Variants in CLVS1 observed in about 807,000 individuals in gnomAD.
CLVS1 encodes the protein clavesin-1.
A neutral mutation model predicts 33.1 loss-of-function variants in CLVS1; 10 were observed. The observed-to-expected ratio is 0.30, with a 90% CI of 0.19 to 0.51. The LOEUF (loss-of-function observed/expected upper bound fraction) is 0.51. CLVS1 is among the 20% of genes least tolerant of loss of function. The probability of loss-of-function intolerance (pLI) is 0.97; values close to 1 mark genes in which losing one functional copy is unlikely to be tolerated. For synonymous variants in CLVS1, 163 were observed against 166.1 expected, an observed-to-expected ratio of 0.98 and a Z score of 0.14; for missense variants, 343 against 433.4, an observed-to-expected ratio of 0.79 and a Z score of 1.85.
At chr8:61,468,970 C>G (rs1817649279) in intron 5 of CLVS1, among the ~76,000 whole-genome samples, 1 of 152,142 alleles carries the variant, frequency 6.6e-6, no homozygotes, top group East Asian at 1.9e-4. Flanking sequence ...CTGCCTGTGA[C>G]ACAGCAGCAC....
chr8:61,425,609 G>A (rs1815858109), intron 3 of CLVS1, among the ~76,000 whole-genome samples: 1 of 152,048 alleles, frequency 6.6e-6, no homozygotes, highest in Non-Finnish European at 1.5e-5. Flanking sequence ...GTCACCCCCA[G>A]TACTCCCCTC....
rs372983692 is a variant in CLVS1, at chr8:61,387,466, C to CTTTTT, written c.630+10704_630+10708dup. On this transcript the variant is annotated intron_variant, in intron 3 of 5. Transcript: ENST00000325897. ...AAGACAAAATTCCACTGTACAGTTC[C>CTTTTT]TTTTTTTTTTTTTTTTTTTTTAAAT... 1.6e-3 allele frequency among the ~76,000 whole-genome samples: 179 copies of CTTTTT among 109,306 alleles called. 4 individuals are homozygous for CTTTTT. Among genetic ancestry groups the CTTTTT allele is most frequent in the East Asian group, 6.3e-3 (22 of 3,496 alleles). The allele number at this position is 109,306 out of a possible 152,430, so 71.7% of individuals were successfully genotyped here.
chr8:61,257,677 T>C (rs1809114518), intron 2 of CLVS1, among the ~76,000 whole-genome samples: 1 of 152,020 alleles, frequency 6.6e-6, no homozygotes, highest in Admixed American at 6.6e-5. Flanking sequence ...AAAAGCTGAA[T>C]AATTAAGAGG....
intron 1 of CLVS1, among the ~76,000 whole-genome samples, chr8:61,074,561 G>A (rs1465373972): frequency 1.3e-5 from 2 of 150,992 alleles, no homozygotes; most frequent in Non-Finnish European, 2.9e-5. Flanking sequence ...TGAGACCTGT[G>A]AGGCAGAAAG....
chr8:61,486,688 C>T (rs899475305), intron 5 of CLVS1, among the ~76,000 whole-genome samples: 2 of 152,116 alleles, frequency 1.3e-5, no homozygotes, highest in Admixed American at 6.5e-5. Context: ...GGAGGAATAA[C>T]TGGTCCTGCT....
rs149263893 is a variant in CLVS1 at position 61,363,039 on chromosome 8, G to C, written c.456-13566G>C. The stretch of plus-strand genomic sequence containing the variant: ...GGTAACGGGTCATCAACTTGTAGCA[G>C]GCAAGGATTAAAGCAGGAGGTAAAA... On this transcript the variant is annotated intron_variant, in intron 2 of 5. Coordinates refer to ENST00000325897, the MANE Select transcript of CLVS1 (RefSeq NM_173519.3). 5.3e-5 allele frequency among the ~76,000 whole-genome samples: 8 copies of C among 152,280 alleles called. No homozygotes were observed. The East Asian group carries it at 1.4e-3, about 26-fold the overall frequency.
chr8:61,065,151 C>T (rs982779694), intron 1 of CLVS1, among the ~76,000 whole-genome samples: 18 of 152,208 alleles, frequency 1.2e-4, no homozygotes, highest in Non-Finnish European at 7.3e-5. Context: ...GCTCAAGTCC[C>T]TTATGTAAAC....
intron 1 of CLVS1, among the ~76,000 whole-genome samples, chr8:61,086,429 C>G (rs1375936743): frequency 1.3e-5 from 2 of 152,132 alleles, no homozygotes; most frequent in Non-Finnish European, 2.9e-5. Context: ...TAGTTTTCTG[C>G]ACAAACATTT....
chr8:61,240,017 G>A (rs10435603), intron 2 of CLVS1, among the ~76,000 whole-genome samples: 24,321 of 152,040 alleles, frequency 0.16, 3,616 homozygotes, highest in East Asian at 0.69. Context: ...GCCACTAGAC[G>A]AACTCACTTC....
At position 61,476,185 on chromosome 8, in the gene CLVS1, A is replaced by T. The variant is rs968927516; in HGVS notation, c.977+17643A>T. On this transcript the variant is annotated intron_variant, in intron 5 of 5. Coordinates refer to ENST00000325897, the MANE Select transcript of CLVS1 (RefSeq NM_173519.3). ...CTGTTTTGGTACCAGGACCATGCTG[A>T]TTTGGTTACTGTAGCCTTGTAGCAT... Among the ~76,000 whole-genome samples the T allele has an allele frequency of 3.8e-3, 576 of 152,094 alleles. 6 individuals are homozygous for T. Among genetic ancestry groups the T allele is most frequent in the African/African-American group, 0.013 (549 of 41,474 alleles).
chr8:61,433,623 C>A (rs1041760088), intron 3 of CLVS1, among the ~76,000 whole-genome samples: 1 of 152,080 alleles, frequency 6.6e-6, no homozygotes, highest in Non-Finnish European at 1.5e-5. Context: ...ATACCAGGAG[C>A]GTCTGACTCT....
the CLVS1 span, among the ~76,000 whole-genome samples, chr8:61,033,595 C>A: frequency 2.0e-5 from 3 of 152,304 alleles, no homozygotes; most frequent in African/African-American, 4.8e-5. Context: ...CCTGCCTCCA[C>A]GGACTTGTGC....
chr8:61,331,796 C>T (rs934086738), intron 2 of CLVS1, among the ~76,000 whole-genome samples: 7 of 149,516 alleles, frequency 4.7e-5, no homozygotes, highest in African/African-American at 1.8e-4. Flanking sequence ...CCAGCTTCTT[C>T]TTCTTCTTCT....
intron 1 of CLVS1, among the ~76,000 whole-genome samples, chr8:61,115,357 TTTTATTTTTA>T (rs937837547): frequency 5.3e-5 from 8 of 151,300 alleles, no homozygotes; most frequent in African/African-American, 1.9e-4. Flanking sequence ...TTATTTTTAT[TTTTATTTTTA>T]TTTATTTATT....
chr8:61,036,714 T>C, the CLVS1 span, among the ~76,000 whole-genome samples: 1 of 152,372 alleles, frequency 6.6e-6, no homozygotes, highest in East Asian at 1.9e-4. Context: ...GATCCCTCTA[T>C]GTCTCAATTA....
At chr8:61,235,801 A>G (rs1431459870) in intron 2 of CLVS1, among the ~76,000 whole-genome samples, 2 of 152,214 alleles carry the variant, frequency 1.3e-5, no homozygotes, top group Non-Finnish European at 1.5e-5. Flanking sequence ...GACAGAATGT[A>G]CAAGCCACTT....
chr8:61,315,130 C>T (rs143791511), intron 2 of CLVS1, among the ~76,000 whole-genome samples: 46 of 152,206 alleles, frequency 3.0e-4, no homozygotes, highest in African/African-American at 6.7e-4. Context: ...GTACTATGTC[C>T]GTCTCTGATA....
intron 1 of CLVS1, among the ~76,000 whole-genome samples, chr8:61,111,340 G>T (rs899627236): frequency 6.6e-6 from 1 of 152,124 alleles, no homozygotes; most frequent in East Asian, 1.9e-4. Context: ...TCCTCCAAAA[G>T]GAGGAAGAGA....
chr8:61,472,928 T>C (rs756966262), intron 5 of CLVS1, among the ~76,000 whole-genome samples: 11 of 152,150 alleles, frequency 7.2e-5, no homozygotes, highest in Non-Finnish European at 1.3e-4. Context: ...TGGCGGACAC[T>C]GCCCCTGCAG....
Sources: gnomAD v4.1 joint callset for allele counts (sites outside exome capture counted in the v4.1 genomes callset) on GRCh38, gnomAD v4.1.1 for gene constraint, MANE v1.5 for transcripts, NCBI Gene and HGNC (gene_info 2026-07-23, HGNC 2026-07-21) for gene names.